KIAA2012: variants seen among roughly 807,000 people sequenced by gnomAD.
The protein encoded by KIAA2012 is uncharacterized protein KIAA2012.
In KIAA2012, 125 loss-of-function variants were observed where a neutral mutation model predicts 150.6. That is an observed-to-expected ratio of 0.83 (90% CI 0.72 to 0.96). The LOEUF (loss-of-function observed/expected upper bound fraction) is 0.96. Among genes scored for constraint, KIAA2012 ranks in the 40% least tolerant of loss-of-function variants. The pLI, the probability that KIAA2012 is intolerant of heterozygous loss-of-function variation, is 0.00. For missense variants in KIAA2012, 1,219 were observed against 1,354.9 expected, an observed-to-expected ratio of 0.90 and a Z score of 1.57; for synonymous variants, 462 against 504.7, an observed-to-expected ratio of 0.92 and a Z score of 1.13.
intron 2 of KIAA2012, among the ~76,000 whole-genome samples, chr2:202,079,430 C>A (rs1256748466): frequency 6.6e-6 from 1 of 152,206 alleles, no homozygotes; most frequent in African/African-American, 2.4e-5. Context: ...GACTGTGAAT[C>A]AAGAAACCTG....
intron 18 of KIAA2012, among the ~76,000 whole-genome samples, chr2:202,189,122 C>T (rs1692281936): frequency 6.6e-6 from 1 of 151,996 alleles, no homozygotes; most frequent in Admixed American, 6.6e-5. Context: ...CTTGTGGTGC[C>T]CCTACCAAAG....
rs990215230 is a variant in KIAA2012 at position 202,105,603 on chromosome 2, A to G, written c.1325-158A>G. Reference sequence around the variant, plus strand: ...TAAGGCAATGAGGTACTCTCATGCCAGGCTTCAGTTCCATAGCCCTCTCTG... The same window carrying G: ...TAAGGCAATGAGGTACTCTCATGCCGGGCTTCAGTTCCATAGCCCTCTCTG... On this transcript the variant is annotated intron_variant, in intron 8 of 23. Coordinates refer to ENST00000498697, the MANE Select transcript of KIAA2012 (RefSeq NM_001277372.4). Among the ~76,000 whole-genome samples the G allele has an allele frequency of 1.2e-4, 18 of 152,234 alleles. 1 individual carries two copies. Among genetic ancestry groups the G allele is most frequent in the Admixed American group, 9.8e-4 (15 of 15,288 alleles).
At chr2:202,199,264 G>A (rs987532135) in intron 22 of KIAA2012, among the ~76,000 whole-genome samples, 6 of 151,914 alleles carry the variant, frequency 3.9e-5, no homozygotes, top group East Asian at 1.9e-4. Flanking sequence ...TCTCTGGCCC[G>A]TTTCCTCACC....
At chr2:202,179,260 CTG>C (rs1465664281) in intron 15 of KIAA2012, 1 of 997,012 alleles carries the variant, frequency 1.0e-6, no homozygotes, top group African/African-American at 1.6e-5. Flanking sequence ...GACTTAAAAA[CTG>C]TACATACTTG....
chr2:202,111,814 C>T (rs1021099563), intron 10 of KIAA2012, among the ~76,000 whole-genome samples: 10 of 151,882 alleles, frequency 6.6e-5, no homozygotes, highest in Non-Finnish European at 1.5e-4. Flanking sequence ...GCATGCCTGC[C>T]CTGTGAGAGT....
intron 14 of KIAA2012, among the ~76,000 whole-genome samples, chr2:202,160,855 GGT>G (rs1376146058): frequency 6.6e-6 from 1 of 152,134 alleles, no homozygotes; most frequent in Admixed American, 6.5e-5. Context: ...CCATTTCACA[GGT>G]GTAGAAGCTG....
At chr2:202,082,520 C>T (rs953274259) in intron 2 of KIAA2012, among the ~76,000 whole-genome samples, 2 of 151,960 alleles carry the variant, frequency 1.3e-5, no homozygotes, top group Admixed American at 6.6e-5. Context: ...TGCTTGAACC[C>T]GGGAGGCAGA....
chr2:202,196,350 A>T (rs1301253890), intron 21 of KIAA2012, among the ~76,000 whole-genome samples: 1 of 150,482 alleles, frequency 6.6e-6, no homozygotes, highest in Non-Finnish European at 1.5e-5. Flanking sequence ...GCCTGCCACC[A>T]CGCCCCGCTA....
intron 13 of KIAA2012, among the ~76,000 whole-genome samples, chr2:202,140,623 G>C (rs1186380706): frequency 2.0e-5 from 3 of 152,188 alleles, no homozygotes; most frequent in Non-Finnish European, 4.4e-5. Flanking sequence ...CCTCTTATTA[G>C]ATTAATCACT....
At chr2:202,085,287 A>C (rs1388160979) in intron 2 of KIAA2012, among the ~76,000 whole-genome samples, 1 of 152,236 alleles carries the variant, frequency 6.6e-6, no homozygotes. Context: ...GTTACAGGGC[A>C]AAGGGAAATC....
chr2:202,170,970 G>A (rs909388331), intron 15 of KIAA2012, among the ~76,000 whole-genome samples: 3 of 152,162 alleles, frequency 2.0e-5, no homozygotes, highest in Admixed American at 6.5e-5. Flanking sequence ...ATCCTTGCTC[G>A]CAGAGCTGGG....
At chr2:202,162,538 G>T (rs1241140394) in intron 14 of KIAA2012, among the ~76,000 whole-genome samples, 9 of 148,734 alleles carry the variant, frequency 6.1e-5, no homozygotes, top group Non-Finnish European at 1.3e-4. Context: ...GCCTCCTAAA[G>T]TGCTGGGATT....
intron 1 of KIAA2012, among the ~76,000 whole-genome samples, chr2:202,074,654 C>T (rs1234830411): frequency 6.6e-6 from 1 of 152,196 alleles, no homozygotes; most frequent in Non-Finnish European, 1.5e-5. Context: ...TCCAGCCATA[C>T]ATGACTCTCC....
In KIAA2012 at chr2:202,107,314, G is replaced by A. The variant is rs994824956; in HGVS notation, c.1474+1404G>A. ...GACGTTCTCGAAACATTCAGGTTTC[G>A]AGAATGTCCTTTGATTATTGAGGCA... On this transcript the variant is annotated intron_variant, in intron 9 of 23. Transcript: ENST00000498697. 5.3e-5 allele frequency among the ~76,000 whole-genome samples: 8 copies of A among 152,176 alleles called. No individual in the cohort carries two copies. The East Asian group carries it at 7.7e-4, about 15-fold the overall frequency.
chr2:202,159,797 G>A (rs903008873), intron 14 of KIAA2012, among the ~76,000 whole-genome samples: 2 of 152,112 alleles, frequency 1.3e-5, no homozygotes, highest in Non-Finnish European at 1.5e-5. Flanking sequence ...AGCTGAGATC[G>A]CACAACTGCA....
chr2:202,155,333 G>T (rs751556914), intron 14 of KIAA2012, among the ~76,000 whole-genome samples: 2 of 152,190 alleles, frequency 1.3e-5, no homozygotes, highest in Non-Finnish European at 2.9e-5. Flanking sequence ...TCTATAGTGA[G>T]GGTGGCATTT....
intron 15 of KIAA2012, among the ~76,000 whole-genome samples, chr2:202,182,403 C>A (rs1239504869): frequency 1.3e-5 from 2 of 152,110 alleles, no homozygotes. Flanking sequence ...TGAGCCCCCA[C>A]ACCCAGCCAG....
Position 202,073,398 on chromosome 2 carries a change from C to T in KIAA2012, c.-230C>T. On this transcript the variant is annotated 5_prime_UTR_variant, in exon 1 of 24. Transcript: ENST00000498697. ...GTAGACAATCCAGGGCTTGAGGAGG[C>T]TGGCTGTGCGGTTTATTTTTTCTCT... The T allele has an allele frequency of 2.2e-6, 1 of 464,668 alleles. No individual in the cohort carries two copies. The highest frequency in any genetic ancestry group is 3.4e-5 in the East Asian group (1 of 29,840). The allele number at this position is 464,668 out of a possible 1,614,324, so 28.8% of individuals were successfully genotyped here.
intron 14 of KIAA2012, among the ~76,000 whole-genome samples, chr2:202,159,573 G>A (rs564872630): frequency 3.9e-5 from 6 of 152,140 alleles, no homozygotes; most frequent in Non-Finnish European, 8.8e-5. Context: ...AGGGCATGGT[G>A]GCTCCCACCT....
Sources: allele counts gnomAD v4.1 joint callset (sites outside exome capture counted in the v4.1 genomes callset), GRCh38; gene constraint gnomAD v4.1.1; transcripts MANE v1.5; gene names NCBI Gene and HGNC (gene_info 2026-07-23, HGNC 2026-07-21).